Variants in DMD observed in about 807,000 individuals in gnomAD.
DMD encodes mutant dystrophin.
DMD carries 63 observed loss-of-function variants against 330.1 expected under a neutral mutation model. The ratio of observed to expected loss-of-function variants is 0.19; its 90% CI spans 0.16 to 0.24. The LOEUF is 0.24. DMD is among the 10% of genes least tolerant of loss of function. The pLI is 1.00. For missense variants in DMD, 3,344 were observed against 2,684.1 expected, an observed-to-expected ratio of 1.25 and a Z score of -5.43; for synonymous variants, 1,223 against 959.8, an observed-to-expected ratio of 1.27 and a Z score of -5.07.
At position 32,785,257 on chromosome X, in the gene DMD, A is replaced by C. The variant is rs1463923532; in HGVS notation, c.649+24236T>G. Among the ~76,000 whole-genome samples, 3 of 110,667 alleles carry C rather than the reference A, an allele frequency of 2.7e-5. No homozygotes were observed. In the Admixed American group the frequency reaches 2.9e-4, roughly 11 times the overall value. ...ATATGTACTCTGCAGAGTAAAAGAC[A>C]CATTAGCTAAAACAATAGTGCTCAT... On this transcript the variant is annotated intron_variant, in intron 7 of 78. Coordinates refer to ENST00000357033, the MANE Select transcript of DMD (RefSeq NM_004006.3).
At chrX:33,256,060 G>T (rs1426797983) in intron 1 of DMD, among the ~76,000 whole-genome samples, 1 of 111,060 alleles carries the variant, frequency 9.0e-6, no homozygotes, top group Non-Finnish European at 1.9e-5. Context: ...AATCTCAAAA[G>T]CTCAGTTATA....
At chrX:31,934,109 C>G (rs1331154015) in intron 45 of DMD, among the ~76,000 whole-genome samples, 1 of 111,216 alleles carries the variant, frequency 9.0e-6, no homozygotes, top group African/African-American at 3.3e-5. Flanking sequence ...GCATGTAAGC[C>G]AAGGATTATG....
At position 31,347,398 on chromosome X, in the gene DMD, T is replaced by A. The variant is rs780668526; in HGVS notation, c.9163+1158A>T. ...ACCACCCTCTCTTTATCTCCCCCTC[T>A]ACCCACACACCTTTCCCAGCCACTA... is the stretch of plus-strand genomic sequence containing the variant. On this transcript the variant is annotated intron_variant, in intron 61 of 78. Coordinates refer to ENST00000357033, the MANE Select transcript of DMD (RefSeq NM_004006.3). Among the ~76,000 whole-genome samples the A allele has an allele frequency of 4.5e-5, 5 of 111,429 alleles. No homozygotes were observed. In the South Asian group the frequency reaches 1.9e-3, roughly 43 times the overall value.
chrX:32,854,584 A>G (rs759289839), intron 2 of DMD, among the ~76,000 whole-genome samples: 200 of 101,279 alleles, frequency 2.0e-3, no homozygotes, highest in African/African-American at 8.0e-3. Context: ...AAAAAAAAAA[A>G]AAAGAGAAAC....
Position 32,953,515 on chromosome X carries a change from G to C in DMD, c.93+66624C>G, listed in dbSNP as rs140199673. ...ATTGGTGTATATAACCAGAATTTAAGTTGAATCATTGGCATCAAAGATTTT... is the reference window on the plus strand; with the variant it reads ...ATTGGTGTATATAACCAGAATTTAACTTGAATCATTGGCATCAAAGATTTT... On this transcript the variant is annotated intron_variant, in intron 2 of 78. Transcript: ENST00000357033. Among the ~76,000 whole-genome samples the C allele has an allele frequency of 5.7e-3, 635 of 111,861 alleles. 5 individuals carry two copies. Among genetic ancestry groups the C allele is most frequent in the African/African-American group, 0.02 (603 of 30,816 alleles).
At chrX:32,664,303 G>A (rs1191919681) in intron 9 of DMD, among the ~76,000 whole-genome samples, 1 of 101,363 alleles carries the variant, frequency 9.9e-6, no homozygotes. Context: ...GTGCAGTAGC[G>A]CGATATCCGC....
chrX:33,015,859 T>A (rs1450415960), intron 2 of DMD, among the ~76,000 whole-genome samples: 5 of 111,309 alleles, frequency 4.5e-5, no homozygotes. Flanking sequence ...GACATATATG[T>A]TGCGGCAATG....
intron 2 of DMD, among the ~76,000 whole-genome samples, chrX:33,018,130 T>C (rs948317968): frequency 4.5e-5 from 5 of 112,053 alleles, no homozygotes; most frequent in Middle Eastern, 4.7e-3. Context: ...CACAGGTATA[T>C]ATACATTTTA....
chrX:32,648,970 G>A (rs991486762), intron 9 of DMD, among the ~76,000 whole-genome samples: 8 of 111,651 alleles, frequency 7.2e-5, no homozygotes, highest in Non-Finnish European at 1.5e-4. Flanking sequence ...GAAGATGCCA[G>A]TATCATCAAC....
In DMD at chrX:32,364,949, G is replaced by T. The variant is rs191888791; in HGVS notation, c.5025+71C>A. On this transcript the variant is annotated intron_variant, in intron 35 of 78. Coordinates refer to ENST00000357033, the MANE Select transcript of DMD (RefSeq NM_004006.3). The stretch of plus-strand genomic sequence containing the variant: ...TTGAGAAATTTTCAAACACAGAATT[G>T]TTACTGGTCACTTATGTATCTTTTT... 29 of 1,124,241 alleles carry T rather than the reference G, an allele frequency of 2.6e-5. No individual in the cohort carries two copies. In the East Asian group the frequency reaches 8.7e-4, roughly 34 times the overall value. The allele number at this position is 1,124,241 out of a possible 1,213,427, so 92.7% of individuals were successfully genotyped here.
At chrX:32,480,399 T>C (rs1273382887) in intron 21 of DMD, among the ~76,000 whole-genome samples, 1 of 107,932 alleles carries the variant, frequency 9.3e-6, no homozygotes, top group Non-Finnish European at 1.9e-5. Flanking sequence ...TGTGTGTGTG[T>C]GTATATGTCT....
At chrX:33,120,114 G>A (rs1447873118) in intron 1 of DMD, among the ~76,000 whole-genome samples, 2 of 111,945 alleles carry the variant, frequency 1.8e-5, no homozygotes, top group African/African-American at 3.2e-5. Context: ...ACAATTTCTC[G>A]CTAACCTTCT....
At chrX:31,278,861 C>T (rs1426641951) in intron 62 of DMD, among the ~76,000 whole-genome samples, 1 of 112,011 alleles carries the variant, frequency 8.9e-6, no homozygotes, top group Non-Finnish European at 1.9e-5. Flanking sequence ...CTTATAAATT[C>T]ATCCTATTAA....
chrX:32,103,757 A>T (rs1230971085), intron 44 of DMD, among the ~76,000 whole-genome samples: 4 of 112,257 alleles, frequency 3.6e-5, no homozygotes, highest in African/African-American at 9.7e-5. Context: ...CTAAGTTGAG[A>T]GACCTGTTTC....
chrX:32,658,448 C>G (rs746924640), intron 9 of DMD, among the ~76,000 whole-genome samples: 1 of 111,082 alleles, frequency 9.0e-6, no homozygotes. Context: ...AAATTGTAGC[C>G]CCAAAGCATC....
chrX:33,226,071 A>G (rs982848840), intron 1 of DMD, among the ~76,000 whole-genome samples: 1 of 111,725 alleles, frequency 9.0e-6, no homozygotes, highest in Admixed American at 9.6e-5. Context: ...TAGTGACAAC[A>G]TCAAACACTG....
At chrX:32,727,578 T>G (rs1031073796) in intron 7 of DMD, among the ~76,000 whole-genome samples, 2 of 110,631 alleles carry the variant, frequency 1.8e-5, no homozygotes, top group African/African-American at 3.3e-5. Context: ...GTTCCTATGC[T>G]GAATTTTTAG....
chrX:32,688,738 T>C (rs1241226411), intron 9 of DMD, among the ~76,000 whole-genome samples: 1 of 111,953 alleles, frequency 8.9e-6, no homozygotes, highest in Non-Finnish European at 1.9e-5. Context: ...TGTTTTCATC[T>C]TAATATCTTA....
intron 2 of DMD, among the ~76,000 whole-genome samples, chrX:33,010,234 A>ACATATGTGTGTACATG (rs1569549291): frequency 1.0e-5 from 1 of 96,789 alleles, no homozygotes; most frequent in Non-Finnish European, 2.1e-5. Context: ...GTGTGTATAT[A>ACATATGTGTGTACATG]TGTACATATG....
Sources: gnomAD v4.1 joint callset for allele counts (sites outside exome capture counted in the v4.1 genomes callset) on GRCh38, gnomAD v4.1.1 for gene constraint, MANE v1.5 for transcripts, NCBI Gene and HGNC (gene_info 2026-07-23, HGNC 2026-07-21) for gene names.